DYNC1H1: variants seen among roughly 807,000 people sequenced by gnomAD.
DYNC1H1 encodes cytoplasmic dynein 1 heavy chain 1.
DYNC1H1 carries 51 observed loss-of-function variants against 527.1 expected under a neutral mutation model. That is an observed-to-expected ratio of 0.10 (90% CI 0.08 to 0.12). The LOEUF (loss-of-function observed/expected upper bound fraction) is 0.12. DYNC1H1 is among the 10% of genes least tolerant of loss of function. The pLI is 1.00. For synonymous variants in DYNC1H1, 2,189 were observed against 2,278.8 expected (o/e 0.96, Z 1.12); for missense variants, 2,771 against 5,971.8 (o/e 0.46, Z 17.66).
rs2048028227 is a variant in DYNC1H1, at chr14:101,994,062, C to G, written c.3016-122C>G. 5.7e-6 allele frequency: 8 copies of G among 1,412,178 alleles called. No individual in the cohort carries two copies. In the South Asian group the frequency reaches 9.3e-5, roughly 16 times the overall value. 87.5% of individuals were successfully genotyped at this position (1,412,178 alleles called of 1,614,324 possible). A position where few individuals can be genotyped will look rare whatever the true frequency, so the allele number is the denominator to read the frequency against. On this transcript the variant is annotated intron_variant, in intron 11 of 77. Coordinates refer to ENST00000360184, the MANE Select transcript of DYNC1H1 (RefSeq NM_001376.5). ...TGTGGCCAGGGTAAGTGGATGTTAT[C>G]CCTTAAATGCCATTTTGGTCATGAG...
Position 102,044,088 on chromosome 14 carries a change from G to T in DYNC1H1, c.12684+43G>T, listed in dbSNP as rs777815506. The T allele has an allele frequency of 2.5e-6, 4 of 1,609,898 alleles. No homozygotes were observed. Among genetic ancestry groups the T allele is most frequent in the Non-Finnish European group, 3.4e-6 (4 of 1,179,574 alleles). On this transcript the variant is annotated intron_variant, in intron 70 of 77. Coordinates refer to ENST00000360184, the MANE Select transcript of DYNC1H1 (RefSeq NM_001376.5). The surrounding 1 kb of genome is among the most constrained non-coding windows in gnomAD (Gnocchi z 7.1). ...CAGGACAGACAGTGGACGTGTATCTGGGAAGGATGCTGCAGGGCGTGGTGC... is the reference window on the plus strand; with the variant it reads ...CAGGACAGACAGTGGACGTGTATCTTGGAAGGATGCTGCAGGGCGTGGTGC...
intron 23 of DYNC1H1, 52 bp downstream of exon 23, chr14:102,003,017 C>T: frequency 3.7e-6 from 6 of 1,610,282 alleles, no homozygotes; most frequent in African/African-American, 1.3e-5. Context: ...TTCAGTTGTG[C>T]ATTTTTCCAG....
In DYNC1H1 at chr14:102,001,385, G is replaced by C. The variant is rs368526076; in HGVS notation, c.4395+31G>C. On this transcript the variant is annotated intron_variant, in intron 20 of 77. Transcript: ENST00000360184. This position sits in a 1 kb window ranked among gnomAD's most constrained non-coding sequence, Gnocchi z 5.0. ...TAATAGGACTGAACGGCTGCTTTACGTTGTGTTTCGGGCTGTTACATAGAT... is the reference window on the plus strand; with the variant it reads ...TAATAGGACTGAACGGCTGCTTTACCTTGTGTTTCGGGCTGTTACATAGAT... 1 of 1,613,764 alleles carries C rather than the reference G, an allele frequency of 6.2e-7. No homozygotes were observed. The highest frequency in any genetic ancestry group is 1.7e-5 in the Admixed American group (1 of 59,974).
chr14:101,975,424 C>T lies in DYNC1H1; in HGVS notation c.257-288C>T, dbSNP rs190123956. Among the ~76,000 whole-genome samples the T allele has an allele frequency of 3.1e-3, 469 of 152,334 alleles. 2 individuals carry two copies. Among genetic ancestry groups the T allele is most frequent in the Non-Finnish European group, 5.6e-3 (380 of 68,036 alleles). ...ATAGCCAGCAGCGGCTAGCACTGCC[C>T]ACCGCCAGGCCCTGTTCCAGTGCTT... On this transcript the variant is annotated intron_variant, in intron 1 of 77. Transcript: ENST00000360184.
At chr14:101,992,427 G>A (rs17512166) in intron 11 of DYNC1H1, among the ~76,000 whole-genome samples, 31,332 of 152,028 alleles carry the variant, frequency 0.21, 4,366 homozygotes, top group African/African-American at 0.39. Context: ...AGGAGTCTAC[G>A]TACAATCCTT....
intron 42 of DYNC1H1, among the ~76,000 whole-genome samples, chr14:102,022,253 T>C (rs911932910): frequency 2.6e-5 from 4 of 151,632 alleles, no homozygotes; most frequent in Non-Finnish European, 4.4e-5. Context: ...TCCCAGCACT[T>C]TGGGAGGCCG....
chr14:101,996,852 G>T (rs899902506), intron 15 of DYNC1H1, among the ~76,000 whole-genome samples, 183 bp from the exon 16 acceptor site: 15 of 152,010 alleles, frequency 9.9e-5, no homozygotes, highest in African/African-American at 3.6e-4. Flanking sequence ...TAAACTCCTG[G>T]ACTCAAGTAA....
chr14:102,050,669 C>A lies in DYNC1H1; in HGVS notation c.*106C>A. 1 of 1,575,184 alleles carries A rather than the reference C, an allele frequency of 6.3e-7. No homozygotes were observed. Among genetic ancestry groups the A allele is most frequent in the South Asian group, 1.1e-5 (1 of 89,260 alleles). ...AGCTTGTGAAAAGAAAGTGGTTGGTCTGAGGTTGGAGGAAGCTGAATGGAA... is the reference window on the plus strand; with the variant it reads ...AGCTTGTGAAAAGAAAGTGGTTGGTATGAGGTTGGAGGAAGCTGAATGGAA... On this transcript the variant is annotated 3_prime_UTR_variant, in exon 78 of 78. Transcript: ENST00000360184.
rs532893625 is a variant in DYNC1H1, at chr14:102,001,879, A to G, written c.4542+198A>G. Among the ~76,000 whole-genome samples the G allele has an allele frequency of 6.6e-6, 1 of 152,080 alleles. No individual in the cohort carries two copies. Among genetic ancestry groups the G allele is most frequent in the East Asian group, 1.9e-4 (1 of 5,138 alleles). Reference sequence around the variant, plus strand: ...AGCCTTGACTTCCTGGGCTCAAGTGATCTTCCCACCTCAGCCTCCAGGTAG... The same window carrying G: ...AGCCTTGACTTCCTGGGCTCAAGTGGTCTTCCCACCTCAGCCTCCAGGTAG... On this transcript the variant is annotated intron_variant, in intron 21 of 77. Coordinates refer to ENST00000360184, the MANE Select transcript of DYNC1H1 (RefSeq NM_001376.5). This position sits in a 1 kb window ranked among gnomAD's most constrained non-coding sequence, Gnocchi z 5.0.
rs767157510 is a variant in DYNC1H1, at chr14:101,994,765, G to A, written c.3249G>A (p.Leu1083=). Residue 1083 remains leucine (L), a synonymous_variant, in exon 13 of 78, where the codon CTG becomes CTA. Transcript: ENST00000360184. ...GEDLNKWQAL[L]VQIRKARGTF... ...ATCTCAACAAATGGCAGGCTCTCCT[G>A]GTCCAAATAAGGAAGGCCAGAGGAA... is the stretch of plus-strand genomic sequence containing the variant. 3 of 1,614,200 alleles carry A rather than the reference G, an allele frequency of 1.9e-6. No homozygotes were observed. Among genetic ancestry groups the A allele is most frequent in the Non-Finnish European group, 2.5e-6 (3 of 1,180,044 alleles).
chr14:102,048,437 C>T, intron 73 of DYNC1H1, 79 bp from the exon 74 acceptor site: 2 of 1,594,012 alleles, frequency 1.3e-6, no homozygotes, highest in Non-Finnish European at 8.6e-7. Context: ...TCCCCGGAGG[C>T]CGAGTTACTT....
rs753684857 is a variant in DYNC1H1 at position 102,000,974 on chromosome 14, C to G, written c.4095C>G (p.Ala1365=). 1 of 1,614,100 alleles carries G rather than the reference C, an allele frequency of 6.2e-7. No homozygotes were observed. Among genetic ancestry groups the G allele is most frequent in the Non-Finnish European group, 8.5e-7 (1 of 1,180,026 alleles). Residue 1365 remains alanine (A), a synonymous_variant, in exon 19 of 78, where the codon GCC becomes GCG. Transcript: ENST00000360184. The stretch of plus-strand genomic sequence containing the variant: ...GACAGCTTCGACAAAATTTGGATGC[C>G]CTCCTGAACCAGCTGAAAAGCTTCC... ...QPRKLRQNLD[A]LLNQLKSFPA...
In DYNC1H1 at chr14:102,018,497, G is replaced by C; in HGVS notation, c.8224G>C (p.Ala2742Pro). 1 of 1,613,958 alleles carries C rather than the reference G, an allele frequency of 6.2e-7. No homozygotes were observed. Among genetic ancestry groups the C allele is most frequent in the Non-Finnish European group, 8.5e-7 (1 of 1,180,038 alleles). ...PVVYVDYPGP[A>P]SLTQIYGTFN... ...CGTGTATGTGGATTACCCGGGCCCC[G>C]CCTCCCTCACACAGATCTACGGCAC... The change falls in exon 41 of 78, where the codon GCC becomes CCC. Residue 2742 changes from alanine (A) to proline (P), a missense_variant. By Grantham distance (27) the Ala-to-Pro change is conservative (BLOSUM62 -1). Around this residue, in one of 32 missense-constraint regions of DYNC1H1, gnomAD observed 163 missense variants for 346.9 expected, o/e 0.47. Coordinates refer to ENST00000360184, the MANE Select transcript of DYNC1H1 (RefSeq NM_001376.5). The surrounding 1 kb of genome is among the most constrained non-coding windows in gnomAD (Gnocchi z 5.2).
chr14:102,022,881 G>T lies in DYNC1H1; in HGVS notation c.8637+1G>T. On this transcript the variant is annotated splice_donor_variant, in intron 43 of 77. Coordinates refer to ENST00000360184, the MANE Select transcript of DYNC1H1 (RefSeq NM_001376.5). LOFTEE classifies it high-confidence loss of function. ...CTTGTACAGCAACTGGCTGTCAAAGGTAGCAAACTCGCATCATTTCAGACA... is the reference window on the plus strand; with the variant it reads ...CTTGTACAGCAACTGGCTGTCAAAGTTAGCAAACTCGCATCATTTCAGACA... 1 of 1,614,220 alleles carries T rather than the reference G, an allele frequency of 6.2e-7. No homozygotes were observed.
Position 102,048,498 on chromosome 14 carries a change from C to T in DYNC1H1, c.13219-18C>T, listed in dbSNP as rs758122269. ...GGACCTCTTCCTAACTTCTCTTCAC[C>T]CTTTTGAACGATTTTAGGATCCTTT... On this transcript the variant is annotated intron_variant, in intron 73 of 77. Coordinates refer to ENST00000360184, the MANE Select transcript of DYNC1H1 (RefSeq NM_001376.5). 1 of 1,614,112 alleles carries T rather than the reference C, an allele frequency of 6.2e-7. No individual in the cohort carries two copies. The highest frequency in any genetic ancestry group is 1.1e-5 in the South Asian group (1 of 91,070).
chr14:101,992,634 C>T (rs533939762), intron 11 of DYNC1H1, among the ~76,000 whole-genome samples: 1 of 152,236 alleles, frequency 6.6e-6, no homozygotes, highest in South Asian at 2.1e-4. Flanking sequence ...ACCCCATGTC[C>T]CCTGCAATCT....
In DYNC1H1 at chr14:102,000,938, A is replaced by C; in HGVS notation, c.4075-16A>C. ...ATGTTGGCAAGCTAAATAGCATCTT[A>C]TGTTTCTCTCGACAGCTTCGACAAA... On this transcript the variant is annotated splice_polypyrimidine_tract_variant and intron_variant, in intron 18 of 77. Transcript: ENST00000360184. 2.5e-6 allele frequency: 4 copies of C among 1,604,522 alleles called. No homozygotes were observed. Among genetic ancestry groups the C allele is most frequent in the Non-Finnish European group, 3.4e-6 (4 of 1,171,208 alleles).
chr14:101,987,171 A>G (rs1026349870), intron 8 of DYNC1H1, among the ~76,000 whole-genome samples: 1 of 152,246 alleles, frequency 6.6e-6, no homozygotes, highest in African/African-American at 2.4e-5. Context: ...TTAACAGAGC[A>G]CGTTTACTTC....
chr14:101,988,050 C>G (rs1276855347), intron 9 of DYNC1H1, among the ~76,000 whole-genome samples: 1 of 152,096 alleles, frequency 6.6e-6, no homozygotes, highest in African/African-American at 2.4e-5. Flanking sequence ...TGCACTCTAG[C>G]AGAGTGAGAC....
Sources: gnomAD v4.1 joint callset for allele counts (sites outside exome capture counted in the v4.1 genomes callset) on GRCh38, gnomAD v4.1.1 for gene constraint, gnomAD v4.1.1 regional missense constraint, Gnocchi (gnomAD v3.1) non-coding constraint, MANE v1.5 for transcripts, NCBI Gene and HGNC (gene_info 2026-07-23, HGNC 2026-07-21) for gene names.